KCNIP4: variants seen among roughly 807,000 people sequenced by gnomAD.
KCNIP4 encodes the protein Kv channel-interacting protein 4.
A neutral mutation model predicts 34.0 loss-of-function variants in KCNIP4; 12 were observed. That is an observed-to-expected ratio of 0.35 (90% CI 0.23 to 0.57). The LOEUF (loss-of-function observed/expected upper bound fraction) is 0.57. Among genes scored for constraint, KCNIP4 ranks in the 20% least tolerant of loss-of-function variants. The pLI is 0.83. For synonymous variants in KCNIP4, 124 were observed against 102.2 expected, an observed-to-expected ratio of 1.21 and a Z score of -1.29; for missense variants, 238 against 311.7, an observed-to-expected ratio of 0.76 and a Z score of 1.78.
chr4:21,306,230 C>G (rs1474352012), intron 1 of KCNIP4, among the ~76,000 whole-genome samples: 1 of 152,208 alleles, frequency 6.6e-6, no homozygotes, highest in African/African-American at 2.4e-5. Context: ...GCTTCAAATT[C>G]TGATGTGTTT....
At chr4:21,010,324 A>G (rs1348814569) in intron 1 of KCNIP4, among the ~76,000 whole-genome samples, 1 of 152,240 alleles carries the variant, frequency 6.6e-6, no homozygotes, top group Non-Finnish European at 1.5e-5. Context: ...AATTTTTAAC[A>G]TTTAAAATAG....
Position 21,776,380 on chromosome 4 carries a change from C to T in KCNIP4, c.61+172191G>A, listed in dbSNP as rs1384272492. On this transcript the variant is annotated intron_variant, in intron 1 of 8. Transcript: ENST00000382152. The stretch of plus-strand genomic sequence containing the variant: ...CCGAACGTTGCTGTTTCTAGTTGGC[C>T]ATCTTGGCCCCGCCCCAGAAGTTTC... Among the ~76,000 whole-genome samples the T allele has an allele frequency of 2.6e-5, 4 of 152,178 alleles. No individual in the cohort carries two copies. The East Asian group carries it at 7.8e-4, about 29-fold the overall frequency.
intron 1 of KCNIP4, among the ~76,000 whole-genome samples, chr4:21,326,866 A>G (rs1715127364): frequency 6.6e-6 from 1 of 151,984 alleles, no homozygotes; most frequent in Non-Finnish European, 1.5e-5. Flanking sequence ...CTTATAACCT[A>G]TTATTTTAAA....
intron 1 of KCNIP4, among the ~76,000 whole-genome samples, chr4:21,574,391 A>T (rs1740586836): frequency 1.3e-5 from 2 of 151,700 alleles, no homozygotes; most frequent in African/African-American, 4.8e-5. Context: ...TTCTATATTT[A>T]TATATTTAAA....
intron 1 of KCNIP4, among the ~76,000 whole-genome samples, chr4:21,532,994 GTGTATATATATGTATATATACATA>G (rs1577544572): frequency 7.2e-6 from 1 of 138,774 alleles, no homozygotes; most frequent in Non-Finnish European, 1.5e-5. Context: ...ATGTGTGAGT[GTGTATATATATGTATATATACATA>G]TGTATATATA....
chr4:21,370,884 T>TACACACAC lies in KCNIP4; in HGVS notation c.62-488176_62-488175insGTGTGTGT, dbSNP rs1360484906. Among the ~76,000 whole-genome samples, 44 of 83,120 alleles carry TACACACAC rather than the reference T, an allele frequency of 5.3e-4. 3 individuals carry two copies. Among genetic ancestry groups the TACACACAC allele is most frequent in the African/African-American group, 1.7e-3 (27 of 15,496 alleles). The allele number at this position is 83,120 out of a possible 152,430, so 54.5% of individuals were successfully genotyped here. On this transcript the variant is annotated intron_variant, in intron 1 of 8. Coordinates refer to ENST00000382152, the MANE Select transcript of KCNIP4 (RefSeq NM_025221.6). ...ACACACACACACACACACACACACG[T>TACACACAC]GTGTGTGTGTGTGTGTGTATTAGCA...
At chr4:21,085,179 T>G (rs1422072608) in intron 1 of KCNIP4, among the ~76,000 whole-genome samples, 1 of 152,060 alleles carries the variant, frequency 6.6e-6, no homozygotes, top group Non-Finnish European at 1.5e-5. Context: ...GAGGAGCTCT[T>G]ATGAATAGAA....
intron 1 of KCNIP4, among the ~76,000 whole-genome samples, chr4:21,356,279 C>T (rs1048789588): frequency 2.2e-4 from 34 of 152,176 alleles, no homozygotes; most frequent in Admixed American, 2.2e-3. Context: ...GATGCCCTCT[C>T]TCACCATTCC....
chr4:21,611,388 C>T (rs1268225817), intron 1 of KCNIP4, among the ~76,000 whole-genome samples: 3 of 152,120 alleles, frequency 2.0e-5, no homozygotes, highest in Admixed American at 2.0e-4. Flanking sequence ...AGAACTCACT[C>T]ACCATCTCAA....
intron 1 of KCNIP4, among the ~76,000 whole-genome samples, chr4:20,987,740 C>T (rs1265388883): frequency 6.6e-6 from 1 of 152,074 alleles, no homozygotes; most frequent in South Asian, 2.1e-4. Context: ...TGGCTCATGC[C>T]TGTAATCCCA....
At chr4:20,873,535 C>T (rs1254502855) in intron 2 of KCNIP4, among the ~76,000 whole-genome samples, 1 of 152,116 alleles carries the variant, frequency 6.6e-6, no homozygotes, top group Non-Finnish European at 1.5e-5. Flanking sequence ...GATTCAGAAG[C>T]CAATATCCCA....
At chr4:21,763,053 C>T in intron 1 of KCNIP4, 1 of 1,288,828 alleles carries the variant, frequency 7.8e-7, no homozygotes, top group Non-Finnish European at 1.0e-6. Context: ...TGGACATATG[C>T]ACAGTTTGCC....
chr4:21,569,234 T>TAAAAAAAAAAAAAAAAAAAAAAAAAAAA (rs71191521), intron 1 of KCNIP4, among the ~76,000 whole-genome samples: 1 of 25,176 alleles, frequency 4.0e-5, no homozygotes, highest in African/African-American at 1.4e-4. Context: ...ACTGATATTC[T>TAAAAAAAAAAAAAAAAAAAAAAAAAAAA]AAAAAAAAAA....
At chr4:21,574,280 G>A (rs1324550255) in intron 1 of KCNIP4, among the ~76,000 whole-genome samples, 1 of 151,786 alleles carries the variant, frequency 6.6e-6, no homozygotes, top group African/African-American at 2.4e-5. Context: ...TTGACCTATG[G>A]GCCTTTGAGC....
intron 1 of KCNIP4, chr4:21,697,316 TA>T (rs537856921): frequency 0.098 from 117,036 of 1,197,974 alleles, 21 homozygotes; most frequent in East Asian, 0.15. Flanking sequence ...TAGCCTCTAC[TA>T]AAAAAAAAAA....
intron 1 of KCNIP4, among the ~76,000 whole-genome samples, chr4:21,909,043 G>A (rs1231166023): frequency 2.6e-5 from 4 of 152,066 alleles, no homozygotes; most frequent in Admixed American, 2.6e-4. Context: ...CTTCAGGAAG[G>A]TAGGATTTGG....
chr4:21,520,026 G>T (rs945681211), intron 1 of KCNIP4, among the ~76,000 whole-genome samples: 1 of 151,912 alleles, frequency 6.6e-6, no homozygotes, highest in Non-Finnish European at 1.5e-5. Context: ...ATGTTTGAGG[G>T]AAGGAAGCAT....
chr4:21,506,985 A>G (rs1347270734), intron 1 of KCNIP4, among the ~76,000 whole-genome samples: 1 of 151,500 alleles, frequency 6.6e-6, no homozygotes, highest in Non-Finnish European at 1.5e-5. Context: ...ATGGAGTCTC[A>G]CTATGTTGCC....
chr4:21,095,690 TTTTAGTTTTTC>T (rs1384348070), intron 1 of KCNIP4, among the ~76,000 whole-genome samples: 1 of 152,250 alleles, frequency 6.6e-6, no homozygotes. Context: ...ATTAGAAAAA[TTTTAGTTTTTC>T]TTTAGTTTTT....
Sources: gnomAD v4.1 joint callset for allele counts (sites outside exome capture counted in the v4.1 genomes callset) on GRCh38, gnomAD v4.1.1 for gene constraint, MANE v1.5 for transcripts, NCBI Gene and HGNC (gene_info 2026-07-23, HGNC 2026-07-21) for gene names.